The following PRICKLE1 variants were observed in gnomAD, a reference collection of about 807,000 sequenced individuals.
PRICKLE1 encodes the protein prickle-like protein 1.
In PRICKLE1, 14 loss-of-function variants were observed where a neutral mutation model predicts 70.2. The observed-to-expected ratio is 0.20, with a 90% CI of 0.13 to 0.31. PRICKLE1 has a LOEUF of 0.31. Ranked by LOEUF, PRICKLE1 falls within the 10% of genes least tolerant of loss-of-function variation. PRICKLE1 has a pLI of 1.00. For synonymous variants in PRICKLE1, 357 were observed against 379.9 expected, an observed-to-expected ratio of 0.94 and a Z score of 0.70; for missense variants, 821 against 1,026.2, an observed-to-expected ratio of 0.80 and a Z score of 2.73.
chr12:42,552,674 C>G (rs1018545691), intron 1 of PRICKLE1, among the ~76,000 whole-genome samples: 1 of 152,296 alleles, frequency 6.6e-6, no homozygotes, highest in Middle Eastern at 3.4e-3. Context: ...GGGCACAGAG[C>G]GCTGTGAGTA....
intron 1 of PRICKLE1, among the ~76,000 whole-genome samples, chr12:42,553,604 T>C (rs1486023540): frequency 6.6e-6 from 1 of 152,114 alleles, no homozygotes; most frequent in Non-Finnish European, 1.5e-5. Flanking sequence ...GGCAAGTTAC[T>C]TAACCTCTCT....
intron 1 of PRICKLE1, among the ~76,000 whole-genome samples, chr12:42,568,143 A>G (rs1940652598): frequency 6.6e-6 from 1 of 152,200 alleles, no homozygotes. Flanking sequence ...CTATGCTTTG[A>G]AAAATAGGGA....
intron 1 of PRICKLE1, among the ~76,000 whole-genome samples, chr12:42,542,211 T>C (rs1940130038): frequency 6.6e-6 from 1 of 151,572 alleles, no homozygotes; most frequent in South Asian, 2.1e-4. Context: ...TGGTGTAAGA[T>C]GTCACCAAGA....
At chr12:42,581,372 C>G (rs1940896166) in intron 1 of PRICKLE1, among the ~76,000 whole-genome samples, 1 of 151,976 alleles carries the variant, frequency 6.6e-6, no homozygotes, top group Non-Finnish European at 1.5e-5. Context: ...ACTATTATAG[C>G]ACATCCCTCC....
At position 42,459,989 on chromosome 12, in the gene PRICKLE1, C is replaced by CGGAAGAG. The variant is rs1937740982; in HGVS notation, c.2315_2316insCTCTTCC (p.Glu773SerfsTer27). On this transcript the variant is annotated frameshift_variant, in exon 8 of 8. Transcript: ENST00000345127. LOFTEE classifies it high-confidence loss of function. The stretch of plus-strand genomic sequence containing the variant: ...GTCCAAGAAAATATCCTTCTTCTTC[C>CGGAAGAG]GAGTCGGAAGAGGAGGAGGAGGAAG... 2 of 1,613,828 alleles carry CGGAAGAG rather than the reference C, an allele frequency of 1.2e-6. No homozygotes were observed. The highest frequency in any genetic ancestry group is 2.7e-5 in the African/African-American group (2 of 74,850).
chr12:42,469,631 CTT>C, intron 3 of PRICKLE1, 44 bp from the exon 4 acceptor site: 1 of 1,612,068 alleles, frequency 6.2e-7, no homozygotes, highest in Non-Finnish European at 8.5e-7. Flanking sequence ...AGTGCACAGT[CTT>C]TCTCACCAGT....
chr12:42,457,636 T>C lies in PRICKLE1; in HGVS notation c.*2173A>G, dbSNP rs2053943. 36,445 of 152,148 alleles carry C rather than the reference T, an allele frequency of 0.24. 5,495 individuals are homozygous for C. Among genetic ancestry groups the C allele is most frequent in the African/African-American group, 0.42 (17,461 of 41,460 alleles). The allele number at this position is 152,148 out of a possible 1,614,324, so 9.4% of individuals were successfully genotyped here. On this transcript the variant is annotated 3_prime_UTR_variant, in exon 8 of 8. Transcript: ENST00000345127. ...TATGTGCACATGTGCCAGTGTAGCA[T>C]AATGTATGAGGAAAGTCAACTCCAT...
At chr12:42,581,746 CAAA>C (rs71948536) in intron 1 of PRICKLE1, among the ~76,000 whole-genome samples, 3 of 109,714 alleles carry the variant, frequency 2.7e-5, no homozygotes, top group Non-Finnish European at 1.9e-5. Flanking sequence ...GACTCCATCT[CAAA>C]AAAAAAAAAA....
intron 1 of PRICKLE1, among the ~76,000 whole-genome samples, chr12:42,543,151 T>C (rs967817192): frequency 6.6e-6 from 1 of 152,176 alleles, no homozygotes; most frequent in Admixed American, 6.6e-5. Flanking sequence ...ATTTCTGTTG[T>C]TTATAAGCCA....
At chr12:42,526,621 T>C (rs900720009) in intron 1 of PRICKLE1, among the ~76,000 whole-genome samples, 1 of 151,800 alleles carries the variant, frequency 6.6e-6, no homozygotes, top group Non-Finnish European at 1.5e-5. Context: ...CTGGGACCAG[T>C]TTGCAGAGGG....
chr12:42,546,150 C>T (rs1023199782), intron 1 of PRICKLE1, among the ~76,000 whole-genome samples: 1 of 151,892 alleles, frequency 6.6e-6, no homozygotes. Context: ...AAGCCTGATG[C>T]CAAGCCAAAA....
chr12:42,589,566 C>A lies in PRICKLE1; in HGVS notation c.-150G>T. The A allele has an allele frequency of 6.5e-6, 1 of 154,304 alleles. No homozygotes were observed. Among genetic ancestry groups the A allele is most frequent in the South Asian group, 1.8e-4 (1 of 5,564 alleles). The allele number at this position is 154,304 out of a possible 1,614,324, so 9.6% of individuals were successfully genotyped here. On this transcript the variant is annotated 5_prime_UTR_variant, in exon 1 of 8. The change abolishes the stop of an existing upstream ORF in the 5' untranslated region. Transcript: ENST00000345127. The surrounding 1 kb of genome is among the most constrained non-coding windows in gnomAD (Gnocchi z 5.0). Reference sequence around the variant, plus strand: ...GCTGAGGAGCTGCGGTCCGCGGCGTCAGGGGTGGGCGAGGGTGAGCAGCGC... The same window carrying A: ...GCTGAGGAGCTGCGGTCCGCGGCGTAAGGGGTGGGCGAGGGTGAGCAGCGC...
chr12:42,572,479 T>C (rs569161538), intron 1 of PRICKLE1, among the ~76,000 whole-genome samples: 63 of 151,186 alleles, frequency 4.2e-4, no homozygotes, highest in Non-Finnish European at 8.0e-4. Flanking sequence ...AAATTAAAAA[T>C]ACTTGTTTTT....
rs1358734607 is a variant in PRICKLE1 at position 42,552,773 on chromosome 12, G to A, written c.-49+36692C>T. 2.6e-5 allele frequency among the ~76,000 whole-genome samples: 4 copies of A among 152,220 alleles called. No homozygotes were observed. The South Asian group carries it at 6.2e-4, about 24-fold the overall frequency. On this transcript the variant is annotated intron_variant, in intron 1 of 7. Transcript: ENST00000345127. ...CACAATCACATTTCTGACAAATAGGGAAGTGGTCTCTTAGAATGGCCGTCC... is the reference window on the plus strand; with the variant it reads ...CACAATCACATTTCTGACAAATAGGAAAGTGGTCTCTTAGAATGGCCGTCC...
intron 1 of PRICKLE1, among the ~76,000 whole-genome samples, chr12:42,528,691 A>AATT (rs1374934458): frequency 1.3e-5 from 2 of 152,246 alleles, no homozygotes; most frequent in African/African-American, 4.8e-5. Context: ...AAGTTGATGT[A>AATT]ATTAGAAATG....
chr12:42,472,843 G>C (rs1026135328), intron 1 of PRICKLE1, among the ~76,000 whole-genome samples: 1 of 152,150 alleles, frequency 6.6e-6, no homozygotes, highest in Non-Finnish European at 1.5e-5. Flanking sequence ...CTCTACAGTC[G>C]ATTCCTTAGA....
intron 1 of PRICKLE1, among the ~76,000 whole-genome samples, chr12:42,565,716 G>C (rs1337618159): frequency 6.6e-6 from 1 of 152,136 alleles, no homozygotes; most frequent in East Asian, 1.9e-4. Context: ...TGCACATCCA[G>C]TTTCCCTACC....
At chr12:42,497,837 G>A (rs1939235008) in intron 1 of PRICKLE1, among the ~76,000 whole-genome samples, 1 of 151,416 alleles carries the variant, frequency 6.6e-6, no homozygotes. Context: ...GCAGTAAAAC[G>A]AAGCATGCTG....
intron 1 of PRICKLE1, among the ~76,000 whole-genome samples, chr12:42,517,789 A>T (rs905638892): frequency 1.3e-5 from 2 of 151,086 alleles, no homozygotes; most frequent in African/African-American, 4.8e-5. Context: ...ATAAAAAGCA[A>T]ATGTGTCTTT....
Sources: gnomAD v4.1 joint callset for allele counts (sites outside exome capture counted in the v4.1 genomes callset) on GRCh38, gnomAD v4.1.1 for gene constraint, Gnocchi (gnomAD v3.1) non-coding constraint, MANE v1.5 for transcripts, NCBI Gene and HGNC (gene_info 2026-07-23, HGNC 2026-07-21) for gene names.